Variants in RPSA2 observed in about 807,000 individuals in gnomAD.
The protein encoded by RPSA2 is small ribosomal subunit protein uS2B.
At chr19:23,855,482 G>A in the RPSA2 span, among the ~76,000 whole-genome samples, 1 of 152,144 alleles carries the variant, frequency 6.6e-6, no homozygotes. Flanking sequence ...AGCATCAGGA[G>A]GTTCCAGCAC....
the RPSA2 span, among the ~76,000 whole-genome samples, chr19:23,790,187 C>A: frequency 6.6e-6 from 1 of 151,922 alleles, no homozygotes; most frequent in South Asian, 2.1e-4. Context: ...TTAGTACAGA[C>A]GGTGTTTCAC....
chr19:23,776,800 A>G, the RPSA2 span, among the ~76,000 whole-genome samples: 3 of 152,178 alleles, frequency 2.0e-5, no homozygotes, highest in African/African-American at 7.2e-5. Flanking sequence ...TCATGGGCCC[A>G]ATGCCGAGGT....
chr19:23,766,904 G>A, the RPSA2 span, among the ~76,000 whole-genome samples: 1 of 151,798 alleles, frequency 6.6e-6, no homozygotes, highest in Non-Finnish European at 1.5e-5. Flanking sequence ...GATTACAAGC[G>A]CCTGCTATCA....
the RPSA2 span, among the ~76,000 whole-genome samples, chr19:23,835,834 A>G: frequency 6.6e-6 from 1 of 152,080 alleles, no homozygotes; most frequent in Admixed American, 6.6e-5. Flanking sequence ...GTGTTTCACC[A>G]GGTTGGTCAC....
At chr19:23,846,402 G>T in the RPSA2 span, among the ~76,000 whole-genome samples, 2 of 151,724 alleles carry the variant, frequency 1.3e-5, no homozygotes, top group African/African-American at 4.8e-5. Context: ...TATATTTGTG[G>T]TTTAATAAAA....
the RPSA2 span, among the ~76,000 whole-genome samples, chr19:23,857,686 A>G: frequency 2.0e-3 from 303 of 151,552 alleles, 1 homozygote; most frequent in South Asian, 3.8e-3. Flanking sequence ...TAGTAGAGAC[A>G]GGGTTTCACC....
the RPSA2 span, among the ~76,000 whole-genome samples, chr19:23,817,084 A>G: frequency 1.3e-5 from 2 of 152,232 alleles, no homozygotes; most frequent in African/African-American, 2.4e-5. Flanking sequence ...TTTGTTATTA[A>G]CATTAAAAAT....
At chr19:23,845,545 G>A in the RPSA2 span, among the ~76,000 whole-genome samples, 1 of 152,274 alleles carries the variant, frequency 6.6e-6, no homozygotes, top group Admixed American at 6.5e-5. Context: ...GGGCTGGAGT[G>A]CAGTGGAACA....
the RPSA2 span, among the ~76,000 whole-genome samples, chr19:23,766,319 CAG>C: frequency 1.3e-5 from 2 of 150,986 alleles, no homozygotes; most frequent in African/African-American, 4.9e-5. Context: ...TGCCCAGCCT[CAG>C]AGTGTACCCT....
the RPSA2 span, among the ~76,000 whole-genome samples, chr19:23,772,330 A>G: frequency 6.6e-6 from 1 of 152,032 alleles, no homozygotes; most frequent in Admixed American, 6.6e-5. Flanking sequence ...CACCTAGGTG[A>G]TGTGACACTG....
the RPSA2 span, among the ~76,000 whole-genome samples, chr19:23,801,585 C>T: frequency 3.3e-5 from 5 of 152,166 alleles, no homozygotes; most frequent in African/African-American, 4.8e-5. Context: ...AATAAGAGCA[C>T]AATTATGTCT....
At chr19:23,778,694 G>GC in the RPSA2 span, among the ~76,000 whole-genome samples, 1 of 152,014 alleles carries the variant, frequency 6.6e-6, no homozygotes, top group African/African-American at 2.4e-5. Context: ...AGCCCACACC[G>GC]CTTACTGTGA....
At chr19:23,794,207 G>T in the RPSA2 span, among the ~76,000 whole-genome samples, 1,121 of 152,276 alleles carry the variant, frequency 7.4e-3, 16 homozygotes, top group African/African-American at 0.025. Flanking sequence ...ATTTCTTTGG[G>T]TATATACCCA....
the RPSA2 span, among the ~76,000 whole-genome samples, chr19:23,761,919 T>C: frequency 0.32 from 6,149 of 19,470 alleles, 617 homozygotes; most frequent in East Asian, 0.41. Flanking sequence ...TTTCTTTCTT[T>C]CTTTTTTTTT....
the RPSA2 span, among the ~76,000 whole-genome samples, chr19:23,825,495 ATG>A: frequency 6.6e-6 from 1 of 152,144 alleles, no homozygotes; most frequent in Non-Finnish European, 1.5e-5. Context: ...ACAAAAATAA[ATG>A]TTATCCTTGT....
At chr19:23,827,333 C>T in the RPSA2 span, 8 of 1,586,160 alleles carry the variant, frequency 5.0e-6, no homozygotes, top group Admixed American at 1.3e-4. Context: ...CTGGGAGAAG[C>T]TTCTGCTGGC....
At chr19:23,842,903 T>C in the RPSA2 span, among the ~76,000 whole-genome samples, 1 of 152,196 alleles carries the variant, frequency 6.6e-6, no homozygotes, top group Non-Finnish European at 1.5e-5. Context: ...AGATTAATGA[T>C]AATTCTAGAA....
chr19:23,790,540 C>A, the RPSA2 span, among the ~76,000 whole-genome samples: 1 of 151,950 alleles, frequency 6.6e-6, no homozygotes, highest in Non-Finnish European at 1.5e-5. Context: ...TGAACGATAT[C>A]CAGTCAGCGA....
the RPSA2 span, among the ~76,000 whole-genome samples, chr19:23,814,258 G>T: frequency 6.7e-6 from 1 of 149,044 alleles, no homozygotes; most frequent in Non-Finnish European, 1.5e-5. Context: ...CTAATTAAAA[G>T]ATTTTTCACT....
Sources: allele counts gnomAD v4.1 joint callset (sites outside exome capture counted in the v4.1 genomes callset), GRCh38; gene constraint gnomAD v4.1.1; transcripts MANE v1.5; gene names NCBI Gene and HGNC (gene_info 2026-07-23, HGNC 2026-07-21).